SGCZ: variants seen among roughly 807,000 people sequenced by gnomAD.
SGCZ encodes the protein sarcoglycan zeta, also known as zeta-sarcoglycan.
In SGCZ, 40 loss-of-function variants were observed where a neutral mutation model predicts 41.3. The ratio of observed to expected loss-of-function variants is 0.97; its 90% CI spans 0.75 to 1.26. The LOEUF (loss-of-function observed/expected upper bound fraction) is 1.26, where lower values mean the gene tolerates loss of function less well. SGCZ is among the 50% of genes most tolerant of loss of function. SGCZ has a pLI of 0.00. For missense variants in SGCZ, 552 were observed against 369.8 expected (o/e 1.49, Z -4.04); for synonymous variants, 206 against 137.5 (o/e 1.50, Z -3.49).
chr8:14,320,982 C>A (rs1441416367), intron 3 of SGCZ, among the ~76,000 whole-genome samples: 2 of 151,940 alleles, frequency 1.3e-5, no homozygotes, highest in Non-Finnish European at 2.9e-5. Context: ...GAAACATACT[C>A]CAATTAAGTG....
chr8:14,607,033 A>C (rs1207718899), intron 1 of SGCZ, among the ~76,000 whole-genome samples: 1 of 152,162 alleles, frequency 6.6e-6, no homozygotes, highest in African/African-American at 2.4e-5. Context: ...TGAAATGAGA[A>C]AATCACTGAT....
chr8:15,043,026 C>T (rs1325089897), intron 1 of SGCZ, among the ~76,000 whole-genome samples: 2 of 152,116 alleles, frequency 1.3e-5, no homozygotes, highest in Non-Finnish European at 2.9e-5. Context: ...TTTCCCTCAC[C>T]ACCTAACCTT....
chr8:15,010,942 A>T (rs1259858490), intron 1 of SGCZ, among the ~76,000 whole-genome samples: 10 of 152,176 alleles, frequency 6.6e-5, no homozygotes. Flanking sequence ...AGGCAATGAA[A>T]CTTCTGCCCT....
At chr8:14,915,043 AT>A (rs1203584023) in intron 1 of SGCZ, among the ~76,000 whole-genome samples, 1 of 152,106 alleles carries the variant, frequency 6.6e-6, no homozygotes, top group African/African-American at 2.4e-5. Context: ...CAGTAAAAAT[AT>A]TTTTTTTCAG....
chr8:14,617,856 G>GGGTA (rs1554466106), intron 1 of SGCZ, among the ~76,000 whole-genome samples: 7 of 111,878 alleles, frequency 6.3e-5, no homozygotes, highest in African/African-American at 2.0e-4. Flanking sequence ...GTTTATGTGT[G>GGGTA]TGTGTGTGTG....
At chr8:15,181,413 A>C (rs1800175161) in intron 1 of SGCZ, among the ~76,000 whole-genome samples, 1 of 152,152 alleles carries the variant, frequency 6.6e-6, no homozygotes. Context: ...TAGATACCCA[A>C]ATAAAATAGC....
intron 1 of SGCZ, among the ~76,000 whole-genome samples, chr8:15,116,418 ATT>A (rs1807269945): frequency 6.6e-6 from 1 of 152,208 alleles, no homozygotes; most frequent in Non-Finnish European, 1.5e-5. Context: ...ACATAGATGT[ATT>A]CCATACTCAA....
At chr8:14,896,993 A>G (rs1460235196) in intron 1 of SGCZ, among the ~76,000 whole-genome samples, 2 of 151,316 alleles carry the variant, frequency 1.3e-5, no homozygotes, top group Non-Finnish European at 2.9e-5. Context: ...CACATTGGTC[A>G]GGCTGGTCTC....
intron 2 of SGCZ, among the ~76,000 whole-genome samples, chr8:14,500,513 G>C (rs1382729994): frequency 6.6e-6 from 1 of 151,742 alleles, no homozygotes; most frequent in Admixed American, 6.6e-5. Context: ...TAGACAAAAT[G>C]GTTCTGCAAA....
At chr8:14,665,347 AT>A (rs1051792474) in intron 1 of SGCZ, among the ~76,000 whole-genome samples, 12 of 152,184 alleles carry the variant, frequency 7.9e-5, no homozygotes, top group African/African-American at 2.6e-4. Context: ...TGAACTCATC[AT>A]TTTTTATGGC....
chr8:14,442,996 A>G (rs908579579), intron 2 of SGCZ, among the ~76,000 whole-genome samples: 7 of 150,022 alleles, frequency 4.7e-5, no homozygotes, highest in East Asian at 1.9e-4. Context: ...AAAAATCACA[A>G]GCATTCTTAT....
intron 3 of SGCZ, among the ~76,000 whole-genome samples, chr8:14,247,485 G>A (rs1442101623): frequency 6.6e-6 from 1 of 152,140 alleles, no homozygotes; most frequent in African/African-American, 2.4e-5. Flanking sequence ...TCCACCTTTA[G>A]CCATGGGTGG....
At chr8:14,660,180 T>A (rs1035670017) in intron 1 of SGCZ, among the ~76,000 whole-genome samples, 1 of 152,132 alleles carries the variant, frequency 6.6e-6, no homozygotes, top group Non-Finnish European at 1.5e-5. Context: ...TGTCCTTATA[T>A]TCTGGCAGCA....
chr8:15,158,974 C>G (rs1005504394), intron 1 of SGCZ, among the ~76,000 whole-genome samples: 11 of 152,128 alleles, frequency 7.2e-5, no homozygotes, highest in Non-Finnish European at 1.2e-4. Context: ...CTTAAAATCT[C>G]CAAAGTGATG....
chr8:14,231,922 T>C (rs1440464614), intron 4 of SGCZ, among the ~76,000 whole-genome samples: 2 of 152,070 alleles, frequency 1.3e-5, no homozygotes, highest in African/African-American at 2.4e-5. Flanking sequence ...AAGATAGAGA[T>C]GCCTTCTTAT....
intron 1 of SGCZ, among the ~76,000 whole-genome samples, chr8:15,044,885 G>A (rs1318160559): frequency 1.3e-5 from 2 of 152,032 alleles, no homozygotes; most frequent in Non-Finnish European, 2.9e-5. Context: ...GTAAATAAGA[G>A]TGGCTATAAT....
intron 2 of SGCZ, among the ~76,000 whole-genome samples, chr8:14,551,487 TA>T: frequency 9.8e-4 from 3 of 3,062 alleles, no homozygotes; most frequent in Non-Finnish European, 2.4e-3. Context: ...ATATTATATA[TA>T]TTATATATAT....
At chr8:14,825,624 C>T (rs1802278085) in intron 1 of SGCZ, among the ~76,000 whole-genome samples, 1 of 152,074 alleles carries the variant, frequency 6.6e-6, no homozygotes, top group African/African-American at 2.4e-5. Flanking sequence ...CTCATTCATC[C>T]CCACATAAGC....
At chr8:14,422,781 C>T (rs906798942) in intron 2 of SGCZ, among the ~76,000 whole-genome samples, 1 of 152,218 alleles carries the variant, frequency 6.6e-6, no homozygotes, top group African/African-American at 2.4e-5. Context: ...ATTAACACTA[C>T]TGTCAGCACT....
Sources: allele counts gnomAD v4.1 joint callset (sites outside exome capture counted in the v4.1 genomes callset), GRCh38; gene constraint gnomAD v4.1.1; transcripts MANE v1.5; gene names NCBI Gene and HGNC (gene_info 2026-07-23, HGNC 2026-07-21).